RANBP2: variants seen among roughly 807,000 people sequenced by gnomAD.
RANBP2 encodes the protein E3 SUMO-protein ligase RanBP2.
A neutral mutation model predicts 303.6 loss-of-function variants in RANBP2; 57 were observed. The observed-to-expected ratio is 0.19, with a 90% CI of 0.15 to 0.23. The LOEUF (loss-of-function observed/expected upper bound fraction) is 0.23. Ranked by LOEUF, RANBP2 falls within the 10% of genes least tolerant of loss-of-function variation. RANBP2 has a pLI of 1.00. For missense variants in RANBP2, 3,138 were observed against 3,780.8 expected (o/e 0.83, Z 4.46); for synonymous variants, 1,167 against 1,301.5 (o/e 0.90, Z 2.23).
the RANBP2 span, among the ~76,000 whole-genome samples, chr2:109,078,112 A>G: frequency 6.2e-5 from 5 of 81,030 alleles, no homozygotes; most frequent in Non-Finnish European, 9.5e-5. Context: ...ATATATATAT[A>G]TATATAGCGT....
At chr2:109,114,016 G>A in the RANBP2 span, among the ~76,000 whole-genome samples, 5 of 152,312 alleles carry the variant, frequency 3.3e-5, no homozygotes, top group South Asian at 8.3e-4. Context: ...ACTTTTTGAT[G>A]TGCTGCTGGG....
the RANBP2 span, among the ~76,000 whole-genome samples, chr2:109,275,375 C>G: frequency 1.3e-5 from 2 of 152,308 alleles, no homozygotes; most frequent in East Asian, 3.9e-4. Flanking sequence ...AGAGCCCTGC[C>G]TGTTGGTTAG....
chr2:108,732,480 A>T (rs1397706175), intron 4 of RANBP2, among the ~76,000 whole-genome samples: 2 of 152,190 alleles, frequency 1.3e-5, no homozygotes, highest in East Asian at 3.8e-4. Flanking sequence ...AAAATTCAAA[A>T]TCTGAAATAC....
At chr2:108,890,232 CTTTTTTTTTTTT>C in the RANBP2 span, among the ~76,000 whole-genome samples, 33 of 114,664 alleles carry the variant, frequency 2.9e-4, no homozygotes, top group Non-Finnish European at 2.9e-4. Context: ...ATGGGGTTTT[CTTTTTTTTTTTT>C]TTTTTTTTTT....
the RANBP2 span, among the ~76,000 whole-genome samples, chr2:109,686,296 G>A: frequency 6.6e-6 from 1 of 152,096 alleles, no homozygotes; most frequent in Non-Finnish European, 1.5e-5. Context: ...CTCAAATCAT[G>A]TTTAAGTCAA....
At chr2:109,064,792 G>A in the RANBP2 span, among the ~76,000 whole-genome samples, 1 of 152,102 alleles carries the variant, frequency 6.6e-6, no homozygotes, top group Non-Finnish European at 1.5e-5. Flanking sequence ...TGAAATGGGG[G>A]CCTCTGTTGA....
the RANBP2 span, among the ~76,000 whole-genome samples, chr2:109,065,024 T>G: frequency 6.6e-6 from 1 of 152,200 alleles, no homozygotes; most frequent in Non-Finnish European, 1.5e-5. Flanking sequence ...TCATTTAATG[T>G]CTAACACTTA....
At chr2:108,990,461 TAC>T in the RANBP2 span, among the ~76,000 whole-genome samples, 2 of 94,420 alleles carry the variant, frequency 2.1e-5, no homozygotes, top group African/African-American at 9.9e-5. Flanking sequence ...AAAAAAAATA[TAC>T]AAAAATTAGC....
chr2:109,244,395 T>C, the RANBP2 span, among the ~76,000 whole-genome samples: 1 of 152,176 alleles, frequency 6.6e-6, no homozygotes, highest in Non-Finnish European at 1.5e-5. Context: ...TGAAAGTAAA[T>C]ACTATATTCA....
At chr2:109,605,595 G>C in the RANBP2 span, 1 of 152,104 alleles carries the variant, frequency 6.6e-6, no homozygotes, top group Non-Finnish European at 1.5e-5. Context: ...AAGCTAATCA[G>C]AATACCTGAG....
At chr2:109,239,658 T>C in the RANBP2 span, among the ~76,000 whole-genome samples, 2 of 152,224 alleles carry the variant, frequency 1.3e-5, no homozygotes, top group South Asian at 4.1e-4. Context: ...ATGAAGCCAC[T>C]GATTTTTAAG....
Position 108,766,070 on chromosome 2 carries a change from A to C in RANBP2, c.5531A>C (p.Asn1844Thr). ...GSQVGTGFKSNFSEKASKFGN... is the reference protein window; with the variant it reads ...GSQVGTGFKSTFSEKASKFGN... ...CAGGTGGGAACAGGATTTAAAAGTA[A>C]TTTCTCAGAAAAAGCTTCTAAGTTT... Residue 1844 changes from asparagine to threonine, a missense_variant, in exon 20 of 29, where the codon AAT becomes ACT. Asn to Thr is a moderately conservative substitution (Grantham distance 65, BLOSUM62 0). Coordinates refer to ENST00000283195, the MANE Select transcript of RANBP2 (RefSeq NM_006267.5). The C allele has an allele frequency of 6.2e-7, 1 of 1,614,166 alleles. No individual in the cohort carries two copies. The highest frequency in any genetic ancestry group is 1.1e-5 in the South Asian group (1 of 91,082).
At chr2:109,354,578 G>A in the RANBP2 span, among the ~76,000 whole-genome samples, 2 of 152,386 alleles carry the variant, frequency 1.3e-5, no homozygotes, top group East Asian at 3.9e-4. Context: ...GGTTTTCAGT[G>A]ATCGTGGCAT....
chr2:109,331,450 G>T, the RANBP2 span, among the ~76,000 whole-genome samples: 12 of 151,964 alleles, frequency 7.9e-5, no homozygotes, highest in Non-Finnish European at 5.9e-5. Flanking sequence ...ACTTCTCCCT[G>T]CCAGGAGCAC....
At chr2:109,449,470 A>G in the RANBP2 span, 1 of 1,613,952 alleles carries the variant, frequency 6.2e-7, no homozygotes. Context: ...TGCAAACTAG[A>G]CGAGAAGAAA....
At chr2:109,193,446 G>C in the RANBP2 span, among the ~76,000 whole-genome samples, 1 of 152,182 alleles carries the variant, frequency 6.6e-6, no homozygotes, top group Admixed American at 6.5e-5. Context: ...TGTCACCCCA[G>C]CTCTGGGCAA....
chr2:108,811,247 C>CTCTTTTTTTTTTTTTTTT, the RANBP2 span, among the ~76,000 whole-genome samples: 5 of 113,934 alleles, frequency 4.4e-5, no homozygotes, highest in Admixed American at 9.9e-5. Flanking sequence ...TTCTCTCTCT[C>CTCTTTTTTTTTTTTTTTT]TTTTTTTTTT....
the RANBP2 span, among the ~76,000 whole-genome samples, chr2:109,429,278 C>G: frequency 6.6e-6 from 1 of 152,172 alleles, no homozygotes; most frequent in Admixed American, 6.5e-5. Flanking sequence ...CCCAGCACAT[C>G]CATCTGCTTT....
At chr2:109,276,050 C>T in the RANBP2 span, among the ~76,000 whole-genome samples, 1 of 152,226 alleles carries the variant, frequency 6.6e-6, no homozygotes, top group East Asian at 1.9e-4. Flanking sequence ...AGAGAGGAAC[C>T]CAGCAACCCT....
Sources: allele counts gnomAD v4.1 joint callset (sites outside exome capture counted in the v4.1 genomes callset), GRCh38; gene constraint gnomAD v4.1.1; transcripts MANE v1.5; gene names NCBI Gene and HGNC (gene_info 2026-07-23, HGNC 2026-07-21).